Variants in RBMS1 observed in about 807,000 individuals in gnomAD.
RBMS1 encodes the protein RNA-binding motif, single-stranded-interacting protein 1.
RBMS1 carries 17 observed loss-of-function variants against 62.3 expected under a neutral mutation model. That is an observed-to-expected ratio of 0.27 (90% CI 0.19 to 0.41). RBMS1 has a LOEUF of 0.41. RBMS1 is among the 10% of genes least tolerant of loss of function. RBMS1 has a pLI of 1.00. For missense variants in RBMS1, 334 were observed against 504.5 expected (o/e 0.66, Z 3.24); for synonymous variants, 172 against 170.0 (o/e 1.01, Z -0.09).
intron 1 of RBMS1, among the ~76,000 whole-genome samples, chr2:160,464,755 A>G (rs1684618503): frequency 6.6e-6 from 1 of 152,188 alleles, no homozygotes; most frequent in Admixed American, 6.5e-5. Flanking sequence ...GCATTTGACA[A>G]ATATCTATTG....
chr2:160,450,563 T>TAAA (rs71006605), intron 1 of RBMS1, among the ~76,000 whole-genome samples: 17 of 122,386 alleles, frequency 1.4e-4, no homozygotes, highest in East Asian at 4.6e-4. Context: ...AAATAAAAAA[T>TAAA]GAAAAAAAAA....
rs1348156787 is a variant in RBMS1 at position 160,336,100 on chromosome 2, G to C, written c.252-17873C>G. ...TAACACACACTATCAAATTGGCAAA[G>C]ATAACAACAACAACAAAAACAAAAA... On this transcript the variant is annotated intron_variant, in intron 2 of 13. Coordinates refer to ENST00000348849, the MANE Select transcript of RBMS1 (RefSeq NM_016836.4). 2.6e-5 allele frequency among the ~76,000 whole-genome samples: 4 copies of C among 152,188 alleles called. No individual in the cohort carries two copies. In the Middle Eastern group the frequency reaches 0.01, roughly 388 times the overall value.
At chr2:160,418,900 G>A (rs1011971137) in intron 1 of RBMS1, among the ~76,000 whole-genome samples, 2 of 152,164 alleles carry the variant, frequency 1.3e-5, no homozygotes, top group Non-Finnish European at 2.9e-5. Flanking sequence ...CACATATTAA[G>A]TGTTTGAATA....
intron 8 of RBMS1, 24 bp downstream of exon 8, chr2:160,284,971 T>C: frequency 1.2e-6 from 2 of 1,605,982 alleles, no homozygotes; most frequent in South Asian, 2.2e-5. Context: ...CTCAAGCCAT[T>C]ATGGATTTAT....
intron 1 of RBMS1, among the ~76,000 whole-genome samples, chr2:160,392,460 CAA>C (rs761100589): frequency 8.1e-6 from 1 of 123,732 alleles, no homozygotes. Flanking sequence ...TGGCCCTTCA[CAA>C]AAAAAAAAAA....
chr2:160,297,906 C>T (rs1166246168), intron 6 of RBMS1, among the ~76,000 whole-genome samples: 2 of 152,176 alleles, frequency 1.3e-5, no homozygotes, highest in Non-Finnish European at 2.9e-5. Context: ...GCTTTCCATG[C>T]CATTCCAGGA....
At chr2:160,391,936 G>A (rs375082308) in intron 1 of RBMS1, among the ~76,000 whole-genome samples, 7 of 151,846 alleles carry the variant, frequency 4.6e-5, no homozygotes, top group African/African-American at 1.7e-4. Flanking sequence ...CTACAGCCTG[G>A]GGCGCAGAGG....
chr2:160,402,395 A>AT (rs970763640), intron 1 of RBMS1, among the ~76,000 whole-genome samples: 29 of 152,208 alleles, frequency 1.9e-4, no homozygotes, highest in Middle Eastern at 3.4e-3. Context: ...TATTATCATG[A>AT]TTTTTTTTAT....
intron 1 of RBMS1, among the ~76,000 whole-genome samples, chr2:160,390,685 T>A: frequency 1.0e-5 from 1 of 97,424 alleles, no homozygotes; most frequent in Admixed American, 1.5e-4. Context: ...TGAGACCCAG[T>A]CTCAAAAAAA....
chr2:160,428,790 G>A (rs542973627), intron 1 of RBMS1, among the ~76,000 whole-genome samples: 6 of 152,292 alleles, frequency 3.9e-5, no homozygotes, highest in African/African-American at 1.2e-4. Context: ...TTGGCAATGG[G>A]GTGGGGATAA....
chr2:160,381,668 G>T (rs1694290749), intron 1 of RBMS1, among the ~76,000 whole-genome samples: 1 of 152,178 alleles, frequency 6.6e-6, no homozygotes, highest in Non-Finnish European at 1.5e-5. Flanking sequence ...CACCATACTG[G>T]GGGCTTTGTT....
intron 1 of RBMS1, among the ~76,000 whole-genome samples, chr2:160,456,299 G>A (rs113764779): frequency 6.6e-6 from 1 of 152,108 alleles, no homozygotes; most frequent in Non-Finnish European, 1.5e-5. Context: ...AGGGTGAGTC[G>A]TCTTTTTCTT....
At chr2:160,410,215 C>A in intron 1 of RBMS1, among the ~76,000 whole-genome samples, 1 of 115,870 alleles carries the variant, frequency 8.6e-6, no homozygotes, top group Non-Finnish European at 1.8e-5. Flanking sequence ...GAGTGAGACC[C>A]CGTCTCAAAA....
chr2:160,389,561 G>A (rs779702943), intron 1 of RBMS1, among the ~76,000 whole-genome samples: 7 of 151,828 alleles, frequency 4.6e-5, no homozygotes, highest in Non-Finnish European at 8.8e-5. Flanking sequence ...AGCCAGGCGG[G>A]GTGGCGCACA....
chr2:160,294,199 C>T (rs1034381921), intron 6 of RBMS1, among the ~76,000 whole-genome samples: 9 of 152,226 alleles, frequency 5.9e-5, no homozygotes, highest in Admixed American at 5.9e-4. Context: ...ATTTTTTCCC[C>T]CAACAAACTA....
chr2:160,484,870 C>A (rs1051248538), intron 1 of RBMS1, among the ~76,000 whole-genome samples: 303 of 129,180 alleles, frequency 2.3e-3, no homozygotes, highest in East Asian at 3.1e-3. Flanking sequence ...GACTCCGTCT[C>A]AAAAAAAAAA....
chr2:160,469,240 T>C (rs1256397078), intron 1 of RBMS1, among the ~76,000 whole-genome samples: 1 of 152,250 alleles, frequency 6.6e-6, no homozygotes, highest in Non-Finnish European at 1.5e-5. Flanking sequence ...AATCATTCTT[T>C]CATTGCACTT....
At chr2:160,337,973 C>T (rs1691668922) in intron 2 of RBMS1, among the ~76,000 whole-genome samples, 1 of 152,278 alleles carries the variant, frequency 6.6e-6, no homozygotes, top group South Asian at 2.1e-4. Context: ...ACAATGCCCA[C>T]AATCGTACAT....
At chr2:160,323,365 A>C (rs1268397223) in intron 2 of RBMS1, among the ~76,000 whole-genome samples, 1 of 151,902 alleles carries the variant, frequency 6.6e-6, no homozygotes, top group African/African-American at 2.4e-5. Context: ...AGTCCCAGCT[A>C]CTTAGGAAGC....
Sources: gnomAD v4.1 joint callset for allele counts (sites outside exome capture counted in the v4.1 genomes callset) on GRCh38, gnomAD v4.1.1 for gene constraint, MANE v1.5 for transcripts, NCBI Gene and HGNC (gene_info 2026-07-23, HGNC 2026-07-21) for gene names.